The following DNAH17 variants were observed in gnomAD, a reference collection of about 807,000 sequenced individuals.
DNAH17 encodes dynein axonemal heavy chain 17, also known as axonemal beta dynein heavy chain 17.
DNAH17 carries 376 observed loss-of-function variants against 485.6 expected under a neutral mutation model. The observed-to-expected ratio is 0.77, with a 90% confidence interval of 0.71 to 0.84. The LOEUF (loss-of-function observed/expected upper bound fraction) is 0.84. DNAH17 is among the 40% of genes least tolerant of loss of function. The pLI is 0.00. For missense variants in DNAH17, 6,370 were observed against 5,839.3 expected (o/e 1.09, Z -2.96); for synonymous variants, 3,031 against 2,405.9 (o/e 1.26, Z -7.60).
intron 44 of DNAH17, among the ~76,000 whole-genome samples, chr17:78,487,497 C>T (rs1488850305): frequency 3.3e-5 from 5 of 152,156 alleles, no homozygotes; most frequent in African/African-American, 1.2e-4. Context: ...GCCAGCCTGC[C>T]CTGCGCTGAC....
intron 43 of DNAH17, 144 bp downstream of exon 43, chr17:78,491,299 T>G: frequency 1.6e-6 from 2 of 1,232,200 alleles, no homozygotes; most frequent in Admixed American, 2.7e-5. Context: ...TGCCCCTCAC[T>G]CATAGCTTCC....
In DNAH17 at chr17:78,475,669, C is replaced by T. The variant is rs893632534; in HGVS notation, c.8319G>A (p.Leu2773=). 1.9e-6 allele frequency: 3 copies of T among 1,613,556 alleles called. No homozygotes were observed. In the Admixed American group the frequency reaches 5.0e-5, roughly 27 times the overall value. The part of the protein sequence containing the change: ...SYNEVNAVMN[L]VLFEDAVAHI... ...TTGCTATCAGCTCCAGCCTGCTCAC[C>T]AAATTCATGACTGCATTAACTTCAT... Residue 2773 remains leucine (L), a splice_region_variant and synonymous_variant, in exon 53 of 81, where the codon TTG becomes TTA. Coordinates refer to ENST00000389840, the MANE Select transcript of DNAH17 (RefSeq NM_173628.4).
intron 4 of DNAH17, 64 bp from the exon 5 acceptor site, chr17:78,571,442 G>A (rs2092356339): frequency 1.3e-6 from 2 of 1,487,620 alleles, no homozygotes; most frequent in Admixed American, 3.5e-5. Context: ...AGGCCAACCT[G>A]ACCTTGTGGC....
Position 78,460,026 on chromosome 17 carries a change from C to T in DNAH17, c.9436-25G>A, listed in dbSNP as rs57622590. 0.033 allele frequency: 52,768 copies of T among 1,611,006 alleles called. 1,100 individuals carry two copies. The highest frequency in any genetic ancestry group is 0.077 in the South Asian group (7,035 of 90,938). ...TCTGCAAATGACAGACGGGATGGGT[C>T]CGATGGGAGTTTGGACCGGGTCCTC... is the stretch of plus-strand genomic sequence containing the variant. On this transcript the variant is annotated intron_variant, in intron 59 of 80. Coordinates refer to ENST00000389840, the MANE Select transcript of DNAH17 (RefSeq NM_173628.4).
intron 2 of DNAH17, among the ~76,000 whole-genome samples, chr17:78,573,730 T>C (rs9890885): frequency 0.86 from 130,012 of 152,012 alleles, 56,014 homozygotes; most frequent in African/African-American, 0.96. Context: ...AGGGAGAAGA[T>C]GTCCATCTGC....
chr17:78,564,186 T>C (rs2092219659), intron 11 of DNAH17, among the ~76,000 whole-genome samples: 1 of 151,966 alleles, frequency 6.6e-6, no homozygotes. Context: ...CCAACCCAGC[T>C]CCCTCCCCAC....
chr17:78,541,759 G>A (rs964648546), intron 17 of DNAH17, among the ~76,000 whole-genome samples: 1 of 152,096 alleles, frequency 6.6e-6, no homozygotes, highest in Non-Finnish European at 1.5e-5. Flanking sequence ...CCTGCCCTCT[G>A]AAACTTTACT....
chr17:78,530,398 T>G lies in DNAH17; in HGVS notation c.3229A>C (p.Ile1077Leu). 1 of 1,613,558 alleles carries G rather than the reference T, an allele frequency of 6.2e-7. No homozygotes were observed. The highest frequency in any genetic ancestry group is 2.2e-5 in the East Asian group (1 of 44,872). ...TTGAACATGAAGCCCCAGCGCCGGA[T>G]TGTGCTGAGCAGGGCCTGCTTGAAG... Reference protein sequence around the residue: ...RPFKQALLSTIRRWGFMFKRH... With the variant: ...RPFKQALLSTLRRWGFMFKRH... Residue 1077 changes from isoleucine (I) to leucine (L), a missense_variant, in exon 21 of 81, where the codon ATC becomes CTC. By Grantham distance (5) the Ile-to-Leu change is conservative (BLOSUM62 2). Transcript: ENST00000389840.
At chr17:78,537,740 G>C (rs568404955) in intron 18 of DNAH17, among the ~76,000 whole-genome samples, 1 of 152,234 alleles carries the variant, frequency 6.6e-6, no homozygotes, top group Non-Finnish European at 1.5e-5. Flanking sequence ...CTCAGACCTC[G>C]GTTCAAAGCC....
rs1281017430 is a variant in DNAH17 at position 78,526,957 on chromosome 17, T to C, written c.3547A>G (p.Ile1183Val). The stretch of plus-strand genomic sequence containing the variant: ...GGTGCCACGGTCAGCTTCACCTGAA[T>C]GGCCAGTTTCTTGGTATTTGCCCAG... ...EHWANTKKLA[I>V]QVKLTVAPLQ... The change falls in exon 23 of 81, where the codon ATT becomes GTT. Residue 1183 changes from isoleucine (I) to valine (V), a missense_variant. Coordinates refer to ENST00000389840, the MANE Select transcript of DNAH17 (RefSeq NM_173628.4). 1 of 1,588,922 alleles carries C rather than the reference T, an allele frequency of 6.3e-7. No homozygotes were observed. Among genetic ancestry groups the C allele is most frequent in the Admixed American group, 1.8e-5 (1 of 55,986 alleles).
intron 66 of DNAH17, 103 bp from the exon 67 acceptor site, chr17:78,450,949 G>C: frequency 6.9e-7 from 1 of 1,443,860 alleles, no homozygotes; most frequent in South Asian, 1.3e-5. Flanking sequence ...CCCAGGCTTT[G>C]AGCGGGAGGA....
At chr17:78,495,798 C>A (rs1461483945) in intron 38 of DNAH17, 77 bp downstream of exon 38, 1 of 1,533,138 alleles carries the variant, frequency 6.5e-7, no homozygotes, top group African/African-American at 1.4e-5. Flanking sequence ...CTCCCCTCTG[C>A]CCACTCCTTG....
chr17:78,467,868 T>A (rs1274628725), intron 55 of DNAH17, among the ~76,000 whole-genome samples: 2 of 151,944 alleles, frequency 1.3e-5, no homozygotes, highest in East Asian at 1.9e-4. Context: ...AAATAAAAAA[T>A]TTAGCCAGGT....
rs115400090 is a variant in DNAH17, at chr17:78,565,672, G to T, written c.1569+942C>A. ...CTTGTCTCTACAGAAACAAAAAGTA[G>T]GCCAGGCGTGGTAGCTCACGCCTGT... On this transcript the variant is annotated intron_variant, in intron 11 of 80. Coordinates refer to ENST00000389840, the MANE Select transcript of DNAH17 (RefSeq NM_173628.4). Among the ~76,000 whole-genome samples, 1,347 of 152,292 alleles carry T rather than the reference G, an allele frequency of 8.8e-3. 20 individuals carry two copies. Among genetic ancestry groups the T allele is most frequent in the African/African-American group, 0.03 (1,247 of 41,542 alleles).
At chr17:78,532,995 G>A (rs564787730) in intron 19 of DNAH17, 246 of 334,694 alleles carry the variant, frequency 7.3e-4, no homozygotes, top group African/African-American at 4.9e-3. Flanking sequence ...GGGCTCAAGC[G>A]ATCCTCCTGC....
chr17:78,527,104 C>T, intron 22 of DNAH17, 108 bp from the exon 23 acceptor site: 1 of 924,626 alleles, frequency 1.1e-6, no homozygotes, highest in Middle Eastern at 3.1e-4. Flanking sequence ...AGTGCAGGGG[C>T]CGGCGCGGTG....
rs2087707821 is a variant in DNAH17, at chr17:78,454,600, T to C, written c.10276A>G (p.Thr3426Ala). The C allele has an allele frequency of 1.2e-6, 2 of 1,613,010 alleles. No homozygotes were observed. The highest frequency in any genetic ancestry group is 1.7e-6 in the Non-Finnish European group (2 of 1,179,854). ...TTGCCCAGGATGGTGGCATTCTCGG[T>C]GGACATGCGGTCGCTGGGGAGGCCC... ...NQGLPSDRMS[T>A]ENATILGNTE... Residue 3426 changes from threonine (T) to alanine (A), a missense_variant, in exon 64 of 81, where the codon ACC becomes GCC. Thr to Ala is a moderately conservative substitution (Grantham distance 58, BLOSUM62 0). Coordinates refer to ENST00000389840, the MANE Select transcript of DNAH17 (RefSeq NM_173628.4).
intron 25 of DNAH17, among the ~76,000 whole-genome samples, chr17:78,516,271 G>A (rs1943576507): frequency 6.6e-6 from 1 of 152,210 alleles, no homozygotes; most frequent in South Asian, 2.1e-4. Flanking sequence ...GACTGCAAAT[G>A]CTGTCATCTC....
Position 78,526,526 on chromosome 17 carries a change from G to A in DNAH17, c.3711+125C>T, listed in dbSNP as rs1342152476. 2.3e-5 allele frequency: 18 copies of A among 766,684 alleles called. 1 individual carries two copies. The highest frequency in any genetic ancestry group is 2.8e-4 in the Middle Eastern group (1 of 3,626). 47.5% of individuals were successfully genotyped at this position (766,684 alleles called of 1,614,324 possible). ...TGCATGCATACACATAAGAGCACTCGTGCACGGCCCCAAGGTCAGTCCGGC... is the reference window on the plus strand; with the variant it reads ...TGCATGCATACACATAAGAGCACTCATGCACGGCCCCAAGGTCAGTCCGGC... On this transcript the variant is annotated intron_variant, in intron 24 of 80. Transcript: ENST00000389840.
Sources: gnomAD v4.1 joint callset for allele counts (sites outside exome capture counted in the v4.1 genomes callset) on GRCh38, gnomAD v4.1.1 for gene constraint, MANE v1.5 for transcripts, NCBI Gene and HGNC (gene_info 2026-07-23, HGNC 2026-07-21) for gene names.